NELL2: variants seen among roughly 807,000 people sequenced by gnomAD.
NELL2 encodes protein kinase C-binding protein NELL2.
NELL2 carries 41 observed loss-of-function variants against 109.6 expected under a neutral mutation model. The observed-to-expected ratio is 0.37, with a 90% CI of 0.29 to 0.49. The LOEUF is 0.49. Ranked by LOEUF, NELL2 falls within the 20% of genes least tolerant of loss-of-function variation. The pLI is 0.98. For missense variants in NELL2, 900 were observed against 1,008.3 expected (o/e 0.89, Z 1.45); for synonymous variants, 355 against 344.7 (o/e 1.03, Z -0.33).
intron 9 of NELL2, among the ~76,000 whole-genome samples, chr12:44,763,891 T>A (rs1450551): frequency 0.71 from 107,274 of 152,004 alleles, 38,079 homozygotes; most frequent in Non-Finnish European, 0.74. Flanking sequence ...AAAGACTTCA[T>A]CGTATTTGGA....
At chr12:44,699,550 C>A (rs1949164046) in intron 12 of NELL2, among the ~76,000 whole-genome samples, 1 of 152,078 alleles carries the variant, frequency 6.6e-6, no homozygotes, top group African/African-American at 2.4e-5. Flanking sequence ...CCTTAAGCTA[C>A]TTCCTTTTTC....
At chr12:44,564,448 T>C (rs1036821898) in intron 15 of NELL2, among the ~76,000 whole-genome samples, 30 of 152,344 alleles carry the variant, frequency 2.0e-4, no homozygotes, top group Middle Eastern at 3.4e-3. Context: ...ATTTATATAG[T>C]ATCCTCAAGA....
intron 13 of NELL2, among the ~76,000 whole-genome samples, chr12:44,631,704 A>G (rs893181285): frequency 8.5e-5 from 13 of 152,158 alleles, no homozygotes; most frequent in Admixed American, 2.0e-4. Context: ...TTATTAAAAA[A>G]GTAGATTCTA....
At chr12:44,698,633 T>A (rs1240433064) in intron 12 of NELL2, among the ~76,000 whole-genome samples, 1 of 152,168 alleles carries the variant, frequency 6.6e-6, no homozygotes, top group Non-Finnish European at 1.5e-5. Flanking sequence ...AGGCTATCAG[T>A]AAGAAATTAG....
intron 15 of NELL2, among the ~76,000 whole-genome samples, chr12:44,581,051 T>C (rs1944304013): frequency 6.6e-6 from 1 of 152,206 alleles, no homozygotes. Flanking sequence ...CATTTCCACT[T>C]CCTAAATGAT....
At chr12:44,828,201 C>T (rs986542706) in intron 2 of NELL2, among the ~76,000 whole-genome samples, 12 of 151,992 alleles carry the variant, frequency 7.9e-5, no homozygotes, top group African/African-American at 2.9e-4. Flanking sequence ...GAGCTCCTTA[C>T]GTATTCTGGT....
chr12:44,805,404 T>C (rs1311471186), intron 3 of NELL2, among the ~76,000 whole-genome samples: 2 of 151,816 alleles, frequency 1.3e-5, no homozygotes, highest in Non-Finnish European at 2.9e-5. Context: ...AATAGGTTAG[T>C]AGAACAGAAA....
chr12:44,665,602 A>G lies in NELL2; in HGVS notation c.1326T>C (p.Asp442=). 5 of 1,612,306 alleles carry G rather than the reference A, an allele frequency of 3.1e-6. No homozygotes were observed. The highest frequency in any genetic ancestry group is 1.3e-5 in the African/African-American group (1 of 74,988). Residue 442 remains aspartate, a synonymous_variant, in exon 13 of 20, where the codon GAT becomes GAC. Coordinates refer to ENST00000429094, the MANE Select transcript of NELL2 (RefSeq NM_001145108.2). ...AGTAATGGCGCCCTTCAGCACACTC[A>G]TCGATGTCTGTGAAGAAAAACAGGA... ...REDNAYCEDI[D]ECAEGRHYCR...
chr12:44,681,686 C>G (rs1240163115), intron 12 of NELL2, among the ~76,000 whole-genome samples: 1 of 151,908 alleles, frequency 6.6e-6, no homozygotes, highest in Non-Finnish European at 1.5e-5. Context: ...TTTGTTCTTG[C>G]GATAGTTTAC....
chr12:44,511,258 C>T (rs1940991241), intron 19 of NELL2, among the ~76,000 whole-genome samples: 1 of 152,152 alleles, frequency 6.6e-6, no homozygotes, highest in Admixed American at 6.5e-5. Flanking sequence ...TACTTGGGTT[C>T]CAGTTTTACT....
intron 9 of NELL2, among the ~76,000 whole-genome samples, chr12:44,732,784 A>G (rs980401086): frequency 1.3e-5 from 2 of 152,020 alleles, no homozygotes; most frequent in African/African-American, 2.4e-5. Flanking sequence ...ATGCGAGAAA[A>G]TATGCAAATT....
chr12:44,695,404 A>G (rs573407237), intron 12 of NELL2, among the ~76,000 whole-genome samples: 1 of 152,256 alleles, frequency 6.6e-6, no homozygotes, highest in East Asian at 1.9e-4. Flanking sequence ...AAATAACTAG[A>G]TTCAATAATT....
intron 15 of NELL2, among the ~76,000 whole-genome samples, chr12:44,549,568 G>A (rs1942943248): frequency 6.6e-6 from 1 of 152,110 alleles, no homozygotes; most frequent in African/African-American, 2.4e-5. Context: ...ATTGAGTAAA[G>A]TTGCAGGATA....
intron 9 of NELL2, among the ~76,000 whole-genome samples, chr12:44,739,580 C>G (rs1256837654): frequency 6.6e-6 from 1 of 152,068 alleles, no homozygotes; most frequent in Non-Finnish European, 1.5e-5. Flanking sequence ...ATAGAAAATT[C>G]AAATTTCAGT....
In NELL2 at chr12:44,746,308, TA is replaced by T. The variant is rs1940348457; in HGVS notation, c.994+28438del. Among the ~76,000 whole-genome samples the T allele has an allele frequency of 2.6e-5, 4 of 152,288 alleles. No individual in the cohort carries two copies. The South Asian group carries it at 8.3e-4, about 32-fold the overall frequency. On this transcript the variant is annotated intron_variant, in intron 9 of 19. Coordinates refer to ENST00000429094, the MANE Select transcript of NELL2 (RefSeq NM_001145108.2). The stretch of plus-strand genomic sequence containing the variant: ...ATACAAAAATTAACTCAAGATGGAT[TA>T]AAGACTTACATGTTAGACCTAAAAC...
chr12:44,579,094 C>T (rs1478095208), intron 15 of NELL2, among the ~76,000 whole-genome samples: 2 of 152,120 alleles, frequency 1.3e-5, no homozygotes, highest in Non-Finnish European at 2.9e-5. Context: ...GATTTTAAGC[C>T]ACCTTTTGAT....
At chr12:44,623,871 C>T (rs1946143481) in intron 13 of NELL2, among the ~76,000 whole-genome samples, 1 of 152,026 alleles carries the variant, frequency 6.6e-6, no homozygotes. Context: ...TCATTCTCTG[C>T]AAACTAACTC....
At chr12:44,800,437 G>A (rs534890456) in intron 3 of NELL2, among the ~76,000 whole-genome samples, 1 of 152,136 alleles carries the variant, frequency 6.6e-6, no homozygotes, top group Non-Finnish European at 1.5e-5. Context: ...AGATGCCTAA[G>A]TGGTTTTACA....
At chr12:44,861,588 T>C (rs1311467002) in intron 2 of NELL2, among the ~76,000 whole-genome samples, 2 of 151,990 alleles carry the variant, frequency 1.3e-5, no homozygotes, top group African/African-American at 4.8e-5. Context: ...TGGCCCTCAC[T>C]GTCCCAGGCT....
Sources: allele counts gnomAD v4.1 joint callset (sites outside exome capture counted in the v4.1 genomes callset), GRCh38; gene constraint gnomAD v4.1.1; transcripts MANE v1.5; gene names NCBI Gene and HGNC (gene_info 2026-07-23, HGNC 2026-07-21).